The following MYO6 variants were observed in gnomAD, a reference collection of about 807,000 sequenced individuals.
MYO6 encodes unconventional myosin-VI.
In MYO6, 74 loss-of-function variants were observed where a neutral mutation model predicts 178.7. The observed-to-expected ratio is 0.41, with a 90% CI of 0.34 to 0.50. The LOEUF (loss-of-function observed/expected upper bound fraction) is 0.50. Ranked by LOEUF, MYO6 falls within the 20% of genes least tolerant of loss-of-function variation. The pLI is 0.09. For missense variants in MYO6, 1,330 were observed against 1,547.4 expected, an observed-to-expected ratio of 0.86 and a Z score of 2.36; for synonymous variants, 477 against 504.6, an observed-to-expected ratio of 0.95 and a Z score of 0.73.
At chr6:75,872,276 G>A (rs1203285705) in intron 19 of MYO6, among the ~76,000 whole-genome samples, 2 of 152,174 alleles carry the variant, frequency 1.3e-5, no homozygotes, top group African/African-American at 2.4e-5. Flanking sequence ...TCAACAATAC[G>A]TTTCATTGTA....
intron 7 of MYO6, among the ~76,000 whole-genome samples, chr6:75,838,055 T>C (rs74929664): frequency 1.8e-5 from 1 of 56,282 alleles, no homozygotes; most frequent in Non-Finnish European, 5.1e-5. Flanking sequence ...CTATAGCTTC[T>C]TTTTTTTTTT....
chr6:75,893,516 G>A (rs1225692877), intron 28 of MYO6, among the ~76,000 whole-genome samples: 3 of 152,234 alleles, frequency 2.0e-5, no homozygotes, highest in South Asian at 2.1e-4. Context: ...ACTAGATGGC[G>A]ATGTTTCCTT....
chr6:75,802,087 GTC>G (rs929942876), intron 1 of MYO6, among the ~76,000 whole-genome samples: 6 of 152,076 alleles, frequency 3.9e-5, no homozygotes, highest in Non-Finnish European at 8.8e-5. Context: ...TCTTTTGATT[GTC>G]TCTCTGATTC....
At position 75,916,540 on chromosome 6, in the gene MYO6, C is replaced by A. The variant is rs188719640; in HGVS notation, c.*1528C>A. The A allele has an allele frequency of 4.9e-4, 75 of 152,706 alleles. No homozygotes were observed. Among genetic ancestry groups the A allele is most frequent in the African/African-American group, 1.7e-3 (70 of 41,550 alleles). The allele number at this position is 152,706 out of a possible 1,614,324, so 9.5% of individuals were successfully genotyped here. Reference sequence around the variant, plus strand: ...ATTACTGCATAGCTTCACCCACCCTCGGGTCATTTCGTCCCTGTGATTGGG... The same window carrying A: ...ATTACTGCATAGCTTCACCCACCCTAGGGTCATTTCGTCCCTGTGATTGGG... On this transcript the variant is annotated 3_prime_UTR_variant, in exon 35 of 35. Coordinates refer to ENST00000369977, the MANE Select transcript of MYO6 (RefSeq NM_004999.4).
intron 1 of MYO6, among the ~76,000 whole-genome samples, chr6:75,788,567 G>A (rs1767913126): frequency 1.3e-5 from 2 of 152,210 alleles, no homozygotes; most frequent in South Asian, 4.2e-4. Flanking sequence ...CACCCTGATG[G>A]TGGGGATATC....
At chr6:75,853,849 AGTACTTTCTCT>A (rs1775502914) in intron 11 of MYO6, among the ~76,000 whole-genome samples, 2 of 152,184 alleles carry the variant, frequency 1.3e-5, no homozygotes, top group Admixed American at 1.3e-4. Flanking sequence ...GTTAATCGTT[AGTACTTTCTCT>A]GTACCAGACA....
intron 18 of MYO6, 178 bp downstream of exon 18, chr6:75,867,283 C>CA: frequency 1.8e-6 from 1 of 541,000 alleles, no homozygotes; most frequent in Non-Finnish European, 3.2e-6. Context: ...ATTGAACATA[C>CA]AGAAATGCTT....
chr6:75,784,743 C>G (rs1235138355), intron 1 of MYO6, among the ~76,000 whole-genome samples: 2 of 142,460 alleles, frequency 1.4e-5, no homozygotes, highest in East Asian at 4.1e-4. Context: ...CACCACTGCA[C>G]TCCAGCCTGG....
At chr6:75,771,736 C>T (rs1436542641) in intron 1 of MYO6, among the ~76,000 whole-genome samples, 1 of 152,142 alleles carries the variant, frequency 6.6e-6, no homozygotes, top group African/African-American at 2.4e-5. Context: ...GGTTGAGATA[C>T]CTGTGCTACA....
At chr6:75,781,912 C>T (rs1767020253) in intron 1 of MYO6, among the ~76,000 whole-genome samples, 1 of 100,354 alleles carries the variant, frequency 1.0e-5, no homozygotes, top group Non-Finnish European at 1.8e-5. Flanking sequence ...AGCAAGACTC[C>T]ATCTCAAAAA....
chr6:75,821,667 A>G (rs1039566437), intron 2 of MYO6, among the ~76,000 whole-genome samples: 1 of 152,144 alleles, frequency 6.6e-6, no homozygotes, highest in African/African-American at 2.4e-5. Flanking sequence ...CCCTATAAAT[A>G]TTATTTTAAA....
At chr6:75,865,967 C>CT (rs1254467825) in intron 16 of MYO6, among the ~76,000 whole-genome samples, 6 of 152,014 alleles carry the variant, frequency 3.9e-5, no homozygotes, top group Non-Finnish European at 5.9e-5. Context: ...CAGGTTGATC[C>CT]TTTTGTAGTT....
chr6:75,795,355 A>C (rs1768696109), intron 1 of MYO6, among the ~76,000 whole-genome samples: 2 of 152,202 alleles, frequency 1.3e-5, no homozygotes, highest in Admixed American at 1.3e-4. Context: ...TTTAACCCAT[A>C]AATAACATTC....
In MYO6 at chr6:75,845,012, T is replaced by TA. The variant is rs755326528; in HGVS notation, c.897+44dup. 828 of 1,506,544 alleles carry TA rather than the reference T, an allele frequency of 5.5e-4. 1 individual carries two copies. The highest frequency in any genetic ancestry group is 6.6e-4 in the Non-Finnish European group (720 of 1,088,400). 93.3% of individuals were successfully genotyped at this position (1,506,544 alleles called of 1,614,324 possible). A position where few individuals can be genotyped will look rare whatever the true frequency, so the allele number is the denominator to read the frequency against. Reference sequence around the variant, plus strand: ...ACCATTGTTCATAAAATCTTTAACTTAAAAAAAAACTCATGCTGAAAGATG... The same window carrying TA: ...ACCATTGTTCATAAAATCTTTAACTTAAAAAAAAAACTCATGCTGAAAGATG... On this transcript the variant is annotated intron_variant, in intron 10 of 34. Coordinates refer to ENST00000369977, the MANE Select transcript of MYO6 (RefSeq NM_004999.4).
chr6:75,768,543 G>C (rs1778644222), intron 1 of MYO6, among the ~76,000 whole-genome samples: 1 of 151,676 alleles, frequency 6.6e-6, no homozygotes, highest in Non-Finnish European at 1.5e-5. Context: ...ACTATGGCTG[G>C]CTAATTTTTT....
chr6:75,856,846 T>A (rs1775760675), intron 12 of MYO6, among the ~76,000 whole-genome samples: 1 of 152,162 alleles, frequency 6.6e-6, no homozygotes, highest in African/African-American at 2.4e-5. Flanking sequence ...GGATGTAAAT[T>A]AAGGTCAAAA....
chr6:75,825,765 A>G (rs1189716482), intron 3 of MYO6, among the ~76,000 whole-genome samples: 1 of 152,166 alleles, frequency 6.6e-6, no homozygotes, highest in Non-Finnish European at 1.5e-5. Flanking sequence ...ATGATTAAAC[A>G]GGATCTTAAA....
intron 1 of MYO6, among the ~76,000 whole-genome samples, chr6:75,811,937 C>T (rs991311640): frequency 3.3e-5 from 5 of 152,112 alleles, no homozygotes; most frequent in East Asian, 1.9e-4. Flanking sequence ...AGATAAAAAT[C>T]GAAGAGGTTA....
At position 75,810,513 on chromosome 6, in the gene MYO6, G is replaced by T. The variant is rs59710688; in HGVS notation, c.-47-6988G>T. 1.3e-4 allele frequency among the ~76,000 whole-genome samples: 20 copies of T among 152,202 alleles called. No individual in the cohort carries two copies. The South Asian group carries it at 3.7e-3, about 28-fold the overall frequency. Reference sequence around the variant, plus strand: ...GTTGTGCCTAAATTCCAAAAGGGAGGGGGGTATAATGAGGCATGTCTGACC... The same window carrying T: ...GTTGTGCCTAAATTCCAAAAGGGAGTGGGGTATAATGAGGCATGTCTGACC... On this transcript the variant is annotated intron_variant, in intron 1 of 34. Transcript: ENST00000369977.
Sources: allele counts gnomAD v4.1 joint callset (sites outside exome capture counted in the v4.1 genomes callset), GRCh38; gene constraint gnomAD v4.1.1; transcripts MANE v1.5; gene names NCBI Gene and HGNC (gene_info 2026-07-23, HGNC 2026-07-21).